Variants in PIKFYVE observed in about 807,000 individuals in gnomAD.
The protein encoded by PIKFYVE is phosphoinositide kinase, FYVE-type zinc finger containing.
A neutral mutation model predicts 257.9 loss-of-function variants in PIKFYVE; 122 were observed. The observed-to-expected ratio is 0.47, with a 90% confidence interval of 0.41 to 0.55. PIKFYVE has a LOEUF of 0.55. Ranked by LOEUF, PIKFYVE falls within the 20% of genes least tolerant of loss-of-function variation. The pLI is 0.00. For synonymous variants in PIKFYVE, 892 were observed against 868.9 expected (o/e 1.03, Z -0.47); for missense variants, 2,160 against 2,536.6 (o/e 0.85, Z 3.19).
chr2:208,277,335 A>G (rs546470245), intron 4 of PIKFYVE, among the ~76,000 whole-genome samples: 1 of 152,292 alleles, frequency 6.6e-6, no homozygotes, highest in African/African-American at 2.4e-5. Flanking sequence ...AGCATTAAGA[A>G]TAAGTCTTGA....
Position 208,350,804 on chromosome 2 carries a change from G to T in PIKFYVE, c.5468G>T (p.Arg1823Leu), listed in dbSNP as rs371109177. 6.2e-7 allele frequency: 1 copy of T among 1,614,128 alleles called. No homozygotes were observed. Among genetic ancestry groups the T allele is most frequent in the Non-Finnish European group, 8.5e-7 (1 of 1,180,016 alleles). Residue 1823 changes from arginine to leucine, a missense_variant, in exon 37 of 42, where the codon CGG becomes CTG. Around this residue, in one of 12 missense-constraint regions of PIKFYVE, gnomAD observed 699 missense variants for 855.8 expected, o/e 0.82. Transcript: ENST00000264380. ...GATGCTAATGCCAAGTTTTACTGTC[G>T]GCTCTACTATGCGGGAGAGTTTCAT... ...FSDANAKFYC[R>L]LYYAGEFHKM... is the part of the protein sequence containing the mutation.
rs1391529776 is a variant in PIKFYVE at position 208,285,606 on chromosome 2, G to A, written c.614-120G>A. ...CTTTTTTTGAGAGTCTGTACTTGAA[G>A]ACATTTCCGTTATTAGATGAACTGT... On this transcript the variant is annotated intron_variant, in intron 5 of 41. Transcript: ENST00000264380. 3.7e-6 allele frequency: 3 copies of A among 814,306 alleles called. No homozygotes were observed. The African/African-American group carries it at 5.1e-5, about 14-fold the overall frequency. The allele number at this position is 814,306 out of a possible 1,614,324, so 50.4% of individuals were successfully genotyped here. A position where few individuals can be genotyped will look rare whatever the true frequency, so the allele number is the denominator to read the frequency against.
At chr2:208,333,010 G>T (rs1486640527) in intron 23 of PIKFYVE, among the ~76,000 whole-genome samples, 2 of 152,016 alleles carry the variant, frequency 1.3e-5, no homozygotes, top group African/African-American at 2.4e-5. Context: ...TGAGGCAGGT[G>T]GATCACGAGG....
At chr2:208,348,939 G>T (rs1310126016) in intron 35 of PIKFYVE, among the ~76,000 whole-genome samples, 5 of 151,994 alleles carry the variant, frequency 3.3e-5, no homozygotes, top group Non-Finnish European at 7.4e-5. Context: ...GAGGCGGGCG[G>T]ATCACTTGAG....
At chr2:208,317,232 C>T (rs1215494215) in intron 15 of PIKFYVE, among the ~76,000 whole-genome samples, 1 of 151,894 alleles carries the variant, frequency 6.6e-6, no homozygotes, top group Non-Finnish European at 1.5e-5. Context: ...GCAACCTACT[C>T]ATCTGACAAA....
chr2:208,334,141 CAA>C (rs1292573756), intron 24 of PIKFYVE, among the ~76,000 whole-genome samples: 14 of 152,306 alleles, frequency 9.2e-5, no homozygotes, highest in Admixed American at 7.8e-4. Context: ...CAAAATATAT[CAA>C]GAGTCTGAGC....
At position 208,357,291 on chromosome 2, in the gene PIKFYVE, G is replaced by A. The variant is rs1380048734; in HGVS notation, c.*1986G>A. The A allele has an allele frequency of 6.6e-6, 1 of 152,144 alleles. No homozygotes were observed. Among genetic ancestry groups the A allele is most frequent in the African/African-American group, 2.4e-5 (1 of 41,424 alleles). 9.4% of individuals were successfully genotyped at this position (152,144 alleles called of 1,614,324 possible). On this transcript the variant is annotated 3_prime_UTR_variant, in exon 42 of 42. Transcript: ENST00000264380. ...TGTCTCTGTTCATTTTTTCTGTGAG[G>A]ATACTTAAGGTTATTATTCCTGTCT...
At chr2:208,288,305 A>G (rs1389870332) in intron 6 of PIKFYVE, among the ~76,000 whole-genome samples, 1 of 152,196 alleles carries the variant, frequency 6.6e-6, no homozygotes, top group Non-Finnish European at 1.5e-5. Flanking sequence ...AAGGTCATGT[A>G]GCTAGTAAGA....
intron 33 of PIKFYVE, 76 bp from the exon 34 acceptor site, chr2:208,345,970 GTAAT>G (rs1298640843): frequency 6.3e-6 from 6 of 957,238 alleles, no homozygotes; most frequent in Non-Finnish European, 1.0e-5. Flanking sequence ...AGTGTACAGC[GTAAT>G]TAGTGTAGAG....
chr2:208,318,027 A>G (rs1695752232), intron 16 of PIKFYVE, 86 bp downstream of exon 16: 2 of 1,355,518 alleles, frequency 1.5e-6, no homozygotes, highest in East Asian at 2.3e-5. Flanking sequence ...GTTATGGAAG[A>G]AATGGACAAT....
chr2:208,280,194 A>G (rs1440259899), intron 5 of PIKFYVE, among the ~76,000 whole-genome samples: 1 of 152,232 alleles, frequency 6.6e-6, no homozygotes, highest in Non-Finnish European at 1.5e-5. Flanking sequence ...GCCATAACAC[A>G]GTACCACAGG....
At chr2:208,298,896 GC>G (rs1693328690) in intron 8 of PIKFYVE, 117 bp downstream of exon 8, 2 of 1,341,054 alleles carry the variant, frequency 1.5e-6, no homozygotes, top group Non-Finnish European at 2.1e-6. Flanking sequence ...AGGCTGGGGT[GC>G]AGTGGTGTGA....
Position 208,352,785 on chromosome 2 carries a change from A to G in PIKFYVE, c.5844+3A>G, listed in dbSNP as rs1699892148. On this transcript the variant is annotated splice_donor_region_variant and intron_variant, in intron 39 of 41. Coordinates refer to ENST00000264380, the MANE Select transcript of PIKFYVE (RefSeq NM_015040.4). ...TCTACGGGAGAAAGATGGCACAGGT[A>G]AGGGTATTGGACTATGTGAAGCATT... 1.9e-6 allele frequency: 3 copies of G among 1,612,368 alleles called. No individual in the cohort carries two copies. Among genetic ancestry groups the G allele is most frequent in the Admixed American group, 1.7e-5 (1 of 59,968 alleles).
chr2:208,311,422 G>T (rs1354771020), intron 12 of PIKFYVE, among the ~76,000 whole-genome samples: 2 of 152,142 alleles, frequency 1.3e-5, no homozygotes, highest in African/African-American at 4.8e-5. Context: ...AAGCCCAGTT[G>T]TTTATAAATG....
At chr2:208,276,309 A>G (rs1490545582) in intron 3 of PIKFYVE, among the ~76,000 whole-genome samples, 1 of 152,238 alleles carries the variant, frequency 6.6e-6, no homozygotes, top group Non-Finnish European at 1.5e-5. Flanking sequence ...GTTTGACTTT[A>G]GAGACCAAGC....
At chr2:208,308,439 G>T (rs768765602) in intron 12 of PIKFYVE, among the ~76,000 whole-genome samples, 55 of 151,754 alleles carry the variant, frequency 3.6e-4, no homozygotes, top group Non-Finnish European at 1.6e-4. Context: ...ATTCTTAGTG[G>T]TGAGAACCTT....
chr2:208,296,459 G>A (rs528537295), intron 7 of PIKFYVE, among the ~76,000 whole-genome samples: 9 of 152,134 alleles, frequency 5.9e-5, no homozygotes, highest in Non-Finnish European at 1.3e-4. Context: ...GGAACAGTTT[G>A]GTTTTAGATG....
chr2:208,275,567 T>G (rs189700241), intron 3 of PIKFYVE, among the ~76,000 whole-genome samples: 9 of 152,368 alleles, frequency 5.9e-5, no homozygotes, highest in Admixed American at 4.6e-4. Context: ...TATAACTTTA[T>G]AGAAAGATAA....
chr2:208,318,012 C>G, intron 16 of PIKFYVE, 71 bp downstream of exon 16: 1 of 1,437,478 alleles, frequency 7.0e-7, no homozygotes, highest in Non-Finnish European at 9.8e-7. Flanking sequence ...AGTTGGGGCA[C>G]CTTAGTTATG....
Sources: gnomAD v4.1 joint callset for allele counts (sites outside exome capture counted in the v4.1 genomes callset) on GRCh38, gnomAD v4.1.1 for gene constraint, gnomAD v4.1.1 regional missense constraint, MANE v1.5 for transcripts, NCBI Gene and HGNC (gene_info 2026-07-23, HGNC 2026-07-21) for gene names.